Variants in DMD observed in about 807,000 individuals in gnomAD.
DMD encodes the protein mutant dystrophin.
DMD carries 63 observed loss-of-function variants against 330.1 expected under a neutral mutation model. That is an observed-to-expected ratio of 0.19 (90% CI 0.16 to 0.24). The LOEUF is 0.24. DMD is among the 10% of genes least tolerant of loss of function. The pLI is 1.00. For synonymous variants in DMD, 1,223 were observed against 959.8 expected, an observed-to-expected ratio of 1.27 and a Z score of -5.07; for missense variants, 3,344 against 2,684.1, an observed-to-expected ratio of 1.25 and a Z score of -5.43.
chrX:31,252,269 G>C (rs1217044087), intron 63 of DMD, among the ~76,000 whole-genome samples: 2 of 112,111 alleles, frequency 1.8e-5, no homozygotes, highest in South Asian at 3.7e-4. Flanking sequence ...AATCTCCTGT[G>C]CTAATTTTGT....
chrX:32,433,554 A>T (rs1299845304), intron 29 of DMD, among the ~76,000 whole-genome samples: 2 of 111,535 alleles, frequency 1.8e-5, no homozygotes, highest in Admixed American at 9.5e-5. Context: ...GGCATGTGCC[A>T]GTAATCCCAG....
intron 55 of DMD, among the ~76,000 whole-genome samples, chrX:31,572,950 T>C (rs746975392): frequency 3.5e-4 from 39 of 111,972 alleles, no homozygotes; most frequent in Non-Finnish European, 5.4e-4. Context: ...TTGTGGTAAA[T>C]ATCATTTTAA....
At chrX:33,162,068 T>C (rs2048797958) in intron 1 of DMD, among the ~76,000 whole-genome samples, 1 of 111,442 alleles carries the variant, frequency 9.0e-6, no homozygotes, top group Non-Finnish European at 1.9e-5. Flanking sequence ...TAAGACACTG[T>C]TTTAGAATCT....
chrX:31,800,193 T>A, intron 50 of DMD, among the ~76,000 whole-genome samples: 1 of 112,570 alleles, frequency 8.9e-6, no homozygotes, highest in Non-Finnish European at 1.9e-5. Context: ...CGACCCCACA[T>A]TTTCCTTCTG....
chrX:31,396,843 C>T (rs2060970156), intron 60 of DMD, among the ~76,000 whole-genome samples: 1 of 111,702 alleles, frequency 9.0e-6, no homozygotes, highest in Non-Finnish European at 1.9e-5. Context: ...GAAAACGTAA[C>T]ATCTAATGCA....
intron 41 of DMD, among the ~76,000 whole-genome samples, chrX:32,313,929 T>G (rs2097573709): frequency 1.8e-5 from 2 of 111,651 alleles, no homozygotes; most frequent in South Asian, 7.5e-4. Context: ...CATTCCATGC[T>G]TATGGAAAGG....
chrX:31,989,405 A>G (rs760950487), intron 44 of DMD, among the ~76,000 whole-genome samples: 54 of 112,128 alleles, frequency 4.8e-4, no homozygotes, highest in Non-Finnish European at 8.3e-4. Flanking sequence ...CTTTTATTAT[A>G]TTAAATTTAT....
chrX:32,687,112 C>T (rs901204749), intron 9 of DMD, among the ~76,000 whole-genome samples: 7 of 111,981 alleles, frequency 6.3e-5, no homozygotes, highest in Admixed American at 9.5e-5. Flanking sequence ...GTGGCCATTT[C>T]GGCTCCTACT....
chrX:31,501,053 C>T (rs775049925), intron 56 of DMD, among the ~76,000 whole-genome samples: 1 of 112,127 alleles, frequency 8.9e-6, no homozygotes, highest in Non-Finnish European at 1.9e-5. Context: ...ATAGCTGAGC[C>T]TCAGCCAATC....
chrX:32,530,771 C>T (rs2047404693), intron 17 of DMD, among the ~76,000 whole-genome samples: 1 of 111,777 alleles, frequency 8.9e-6, no homozygotes, highest in African/African-American at 3.3e-5. Flanking sequence ...TTGAAAGTCC[C>T]TTTGAAACAC....
intron 12 of DMD, among the ~76,000 whole-genome samples, chrX:32,610,756 T>C (rs777139812): frequency 9.0e-6 from 1 of 110,913 alleles, no homozygotes; most frequent in African/African-American, 3.3e-5. Context: ...AAATAAATAT[T>C]ATATTAGGTT....
intron 2 of DMD, among the ~76,000 whole-genome samples, chrX:32,883,427 C>A (rs1257670107): frequency 3.6e-5 from 4 of 111,342 alleles, no homozygotes; most frequent in Non-Finnish European, 7.5e-5. Flanking sequence ...GCTGGCACTA[C>A]CCCAATATTT....
intron 60 of DMD, among the ~76,000 whole-genome samples, chrX:31,414,811 C>G (rs1252692447): frequency 1.8e-5 from 2 of 111,256 alleles, no homozygotes; most frequent in African/African-American, 6.6e-5. Context: ...GATGTGTAAG[C>G]AGGCATGCAC....
Position 32,342,388 on chromosome X carries a change from T to C in DMD, c.5740-106A>G, listed in dbSNP as rs878996241. 15 of 852,139 alleles carry C rather than the reference T, an allele frequency of 1.8e-5. No individual in the cohort carries two copies. In the South Asian group the frequency reaches 3.5e-4, roughly 20 times the overall value. The allele number at this position is 852,139 out of a possible 1,213,427, so 70.2% of individuals were successfully genotyped here. A position where few individuals can be genotyped will look rare whatever the true frequency, so the allele number is the denominator to read the frequency against. ...AAAATTTCAAAGGCTGTTGTCCCTT[T>C]ATTGTCATCCTTTGAAGTTTACAAA... On this transcript the variant is annotated intron_variant, in intron 40 of 78. Coordinates refer to ENST00000357033, the MANE Select transcript of DMD (RefSeq NM_004006.3).
chrX:31,328,057 T>C (rs960393619), intron 61 of DMD, among the ~76,000 whole-genome samples: 4 of 111,712 alleles, frequency 3.6e-5, no homozygotes, highest in Non-Finnish European at 7.5e-5. Flanking sequence ...GCTTGTAGGG[T>C]TACAACAGAT....
chrX:32,708,778 C>G (rs767656655), intron 7 of DMD, among the ~76,000 whole-genome samples: 1 of 111,455 alleles, frequency 9.0e-6, no homozygotes, highest in South Asian at 3.8e-4. Context: ...TCTCTCAGCA[C>G]AAAACATTTA....
chrX:32,659,183 A>C (rs147652243), intron 9 of DMD, among the ~76,000 whole-genome samples: 1,180 of 112,217 alleles, frequency 0.011, 21 homozygotes, highest in African/African-American at 0.036. Flanking sequence ...CTAACTAGGT[A>C]AATTTTCTCC....
intron 44 of DMD, among the ~76,000 whole-genome samples, chrX:31,990,609 C>A (rs1394414672): frequency 8.9e-6 from 1 of 111,984 alleles, no homozygotes; most frequent in Non-Finnish European, 1.9e-5. Flanking sequence ...GAAAATGGTA[C>A]AATAAGTTAA....
intron 67 of DMD, among the ~76,000 whole-genome samples, chrX:31,201,061 C>T (rs1045088704): frequency 9.0e-6 from 1 of 110,899 alleles, no homozygotes; most frequent in African/African-American, 3.3e-5. Context: ...TGCCGTGGCT[C>T]ACGCCTGTAC....
Sources: gnomAD v4.1 joint callset for allele counts (sites outside exome capture counted in the v4.1 genomes callset) on GRCh38, gnomAD v4.1.1 for gene constraint, MANE v1.5 for transcripts, NCBI Gene and HGNC (gene_info 2026-07-23, HGNC 2026-07-21) for gene names.